Variants in FRMD5 observed in about 807,000 individuals in gnomAD.
The protein encoded by FRMD5 is FERM domain containing 5, also known as FERM domain-containing protein 5.
A neutral mutation model predicts 69.0 loss-of-function variants in FRMD5; 20 were observed. That is an observed-to-expected ratio of 0.29 (90% CI 0.20 to 0.42). FRMD5 has a LOEUF of 0.42. Among genes scored for constraint, FRMD5 ranks in the 10% least tolerant of loss-of-function variants. The pLI is 1.00. For missense variants in FRMD5, 595 were observed against 708.6 expected (o/e 0.84, Z 1.82); for synonymous variants, 271 against 260.1 (o/e 1.04, Z -0.40).
rs113418963 is a variant in FRMD5, at chr15:43,990,014, C to T, written c.103-65705G>A. The stretch of plus-strand genomic sequence containing the variant: ...AGGATGCCTCTCTTGCTCTGGACCT[C>T]GTTGCCCACATAGGAGTCCTTCTGA... On this transcript the variant is annotated intron_variant, in intron 1 of 13. Coordinates refer to ENST00000417257, the MANE Select transcript of FRMD5 (RefSeq NM_032892.5). The T allele has an allele frequency of 6.2e-4, 549 of 889,594 alleles. 4 individuals are homozygous for T. In the African/African-American group the frequency reaches 8.2e-3, roughly 13 times the overall value. 55.1% of individuals were successfully genotyped at this position (889,594 alleles called of 1,614,324 possible).
intron 1 of FRMD5, among the ~76,000 whole-genome samples, chr15:44,021,643 A>C (rs1891212683): frequency 6.6e-6 from 1 of 152,240 alleles, no homozygotes; most frequent in South Asian, 2.1e-4. Flanking sequence ...ATTACTAAAA[A>C]AAGAGAAAGA....
chr15:43,885,153 G>A (rs962314854), intron 11 of FRMD5: 1 of 221,814 alleles, frequency 4.5e-6, no homozygotes, highest in Middle Eastern at 1.7e-3. Context: ...GCTATTGTAA[G>A]GGAAAGAGAA....
chr15:43,897,075 G>A (rs2088928018), intron 7 of FRMD5, among the ~76,000 whole-genome samples: 2 of 152,070 alleles, frequency 1.3e-5, no homozygotes, highest in South Asian at 4.2e-4. Flanking sequence ...ACTGCACCAG[G>A]TGGCTTTGGT....
At chr15:44,114,043 A>C (rs1168776514) in intron 1 of FRMD5, among the ~76,000 whole-genome samples, 2 of 152,168 alleles carry the variant, frequency 1.3e-5, no homozygotes, top group Admixed American at 6.5e-5. Flanking sequence ...CCATAAAAAG[A>C]CCATTTGAGT....
chr15:44,095,472 TG>T (rs1487875729), intron 1 of FRMD5, among the ~76,000 whole-genome samples: 2 of 152,088 alleles, frequency 1.3e-5, no homozygotes, highest in Admixed American at 6.6e-5. Context: ...CCCAAAGTAA[TG>T]GGATTACAGG....
chr15:43,907,664 C>T (rs920671576), intron 5 of FRMD5, among the ~76,000 whole-genome samples: 12 of 152,068 alleles, frequency 7.9e-5, no homozygotes, highest in Admixed American at 3.9e-4. Context: ...TGTGCCACCA[C>T]GCCCAGCTAA....
chr15:44,161,747 T>C (rs1448879081), intron 1 of FRMD5, among the ~76,000 whole-genome samples: 1 of 152,172 alleles, frequency 6.6e-6, no homozygotes. Context: ...TTTCCAAATG[T>C]TCCAAGTTCC....
At chr15:44,159,558 G>C (rs2077580455) in intron 1 of FRMD5, among the ~76,000 whole-genome samples, 1 of 152,160 alleles carries the variant, frequency 6.6e-6, no homozygotes, top group African/African-American at 2.4e-5. Flanking sequence ...CTAAAGTTAA[G>C]GAACAAGAGG....
At chr15:44,043,110 C>A (rs1051450429) in intron 1 of FRMD5, among the ~76,000 whole-genome samples, 1 of 152,166 alleles carries the variant, frequency 6.6e-6, no homozygotes. Flanking sequence ...GTGCAATAAT[C>A]ACAACCATTC....
At chr15:44,083,900 T>C (rs568093422) in intron 1 of FRMD5, among the ~76,000 whole-genome samples, 148 of 152,154 alleles carry the variant, frequency 9.7e-4, no homozygotes, top group Admixed American at 1.6e-3. Context: ...TTTGTACTGT[T>C]TGATCTTATC....
In FRMD5 at chr15:44,071,788, T is replaced by C. The variant is rs371435595; in HGVS notation, c.102+123165A>G. Among the ~76,000 whole-genome samples, 12 of 152,354 alleles carry C rather than the reference T, an allele frequency of 7.9e-5. No individual in the cohort carries two copies. In the South Asian group the frequency reaches 1.5e-3, roughly 18 times the overall value. On this transcript the variant is annotated intron_variant, in intron 1 of 13. Transcript: ENST00000417257. ...CATTAGTCAAAGTACATTGACTATA[T>C]TCTTAATAATTAAGAAAATATTTTT...
At chr15:44,194,410 C>T (rs1431856998) in intron 1 of FRMD5, 2 of 172,140 alleles carry the variant, frequency 1.2e-5, no homozygotes, top group Non-Finnish European at 2.5e-5. Context: ...GGGCTTCCTT[C>T]AATAGGCCAC....
At chr15:43,989,999 TC>T in intron 1 of FRMD5, 3 of 968,212 alleles carry the variant, frequency 3.1e-6, no homozygotes, top group Non-Finnish European at 5.0e-6. Flanking sequence ...AGGATGCCTC[TC>T]TTGCTCTGGA....
chr15:44,031,533 A>G (rs1891681887), intron 1 of FRMD5, among the ~76,000 whole-genome samples: 1 of 152,040 alleles, frequency 6.6e-6, no homozygotes. Context: ...AAGGGGAGAA[A>G]TCTGGTATCT....
At chr15:43,879,762 G>C (rs1337043295) in intron 13 of FRMD5, 10 of 398,100 alleles carry the variant, frequency 2.5e-5, no homozygotes, top group Non-Finnish European at 4.4e-5. Context: ...GAGAGGCAAA[G>C]ATGGAAAGCC....
chr15:43,978,965 C>T (rs1198473319), intron 1 of FRMD5, among the ~76,000 whole-genome samples: 2 of 152,304 alleles, frequency 1.3e-5, no homozygotes, highest in East Asian at 3.9e-4. Flanking sequence ...AAAATACTGT[C>T]TCCTAAATCT....
chr15:44,122,459 T>C (rs2615290), intron 1 of FRMD5, among the ~76,000 whole-genome samples: 125,890 of 151,972 alleles, frequency 0.83, 54,787 homozygotes, highest in Non-Finnish European at 0.95. Flanking sequence ...CCAGGTGCAC[T>C]TGGGCTGTAC....
intron 2 of FRMD5, among the ~76,000 whole-genome samples, chr15:43,920,104 G>A (rs770391158): frequency 5.3e-5 from 8 of 152,222 alleles, no homozygotes; most frequent in Non-Finnish European, 5.9e-5. Flanking sequence ...TTTGGCATGC[G>A]ATTAAGGCAC....
intron 1 of FRMD5, among the ~76,000 whole-genome samples, chr15:44,188,318 G>A (rs977087584): frequency 1.3e-5 from 2 of 152,200 alleles, no homozygotes; most frequent in Non-Finnish European, 2.9e-5. Flanking sequence ...TGCAAGGGAA[G>A]AGAATCTATT....
Sources: gnomAD v4.1 joint callset for allele counts (sites outside exome capture counted in the v4.1 genomes callset) on GRCh38, gnomAD v4.1.1 for gene constraint, MANE v1.5 for transcripts, NCBI Gene and HGNC (gene_info 2026-07-23, HGNC 2026-07-21) for gene names.